The following COL6A6 variants were observed in gnomAD, a reference collection of about 807,000 sequenced individuals.
COL6A6 encodes collagen type VI alpha 6 chain.
Under a neutral mutation model 208.6 loss-of-function variants are expected in COL6A6, and 183 were observed. The ratio of observed to expected loss-of-function variants is 0.88; its 90% CI spans 0.78 to 0.99. The LOEUF (loss-of-function observed/expected upper bound fraction) is 0.99. Ranked by LOEUF, COL6A6 falls within the 50% of genes least tolerant of loss-of-function variation. The pLI is 0.00. For missense variants in COL6A6, 2,816 were observed against 2,815.2 expected (o/e 1.00, Z -0.01); for synonymous variants, 973 against 1,011.8 (o/e 0.96, Z 0.73).
chr3:130,577,192 T>A (rs1260262074), intron 8 of COL6A6, among the ~76,000 whole-genome samples: 1 of 152,174 alleles, frequency 6.6e-6, no homozygotes, highest in Non-Finnish European at 1.5e-5. Context: ...GGTTGGTGTT[T>A]TTGTTTTCAT....
In COL6A6 at chr3:130,563,187, G is replaced by A. The variant is rs771176353; in HGVS notation, c.184G>A (p.Asp62Asn). The change falls in exon 3 of 37, where the codon GAC (aspartate) becomes AAC (asparagine). Residue 62 changes from aspartate to asparagine, a missense_variant. Physicochemically the swap from Asp to Asn is conservative, Grantham distance 23. Transcript: ENST00000358511. ...KMISSLPIEA[D>N]KYRVALAQYS... ...GATCAGCAGTCTCCCCATAGAGGCCGACAAATACCGTGTGGCCCTGGCCCA... is the reference window on the plus strand; with the variant it reads ...GATCAGCAGTCTCCCCATAGAGGCCAACAAATACCGTGTGGCCCTGGCCCA... The A allele has an allele frequency of 2.4e-5, 38 of 1,613,850 alleles. No homozygotes were observed. The highest frequency in any genetic ancestry group is 8.9e-5 in the East Asian group (4 of 44,892).
In COL6A6 at chr3:130,621,436, A is replaced by G. The variant is rs554992636; in HGVS notation, c.4816-385A>G. On this transcript the variant is annotated intron_variant, in intron 23 of 36. Transcript: ENST00000358511. Reference sequence around the variant, plus strand: ...TAAAGATCATTTTGTCTTCCAAAAAATGTTTTCTACCAAAGCCAGTCCTTT... The same window carrying G: ...TAAAGATCATTTTGTCTTCCAAAAAGTGTTTTCTACCAAAGCCAGTCCTTT... Among the ~76,000 whole-genome samples, 4 of 152,356 alleles carry G rather than the reference A, an allele frequency of 2.6e-5. No homozygotes were observed. In the East Asian group the frequency reaches 5.8e-4, roughly 22 times the overall value.
Position 130,673,086 on chromosome 3 carries a change from G to T in COL6A6, c.6597-2116G>T, listed in dbSNP as rs2066262158. Among the ~76,000 whole-genome samples the T allele has an allele frequency of 4.9e-5, 7 of 143,272 alleles. No individual in the cohort carries two copies. The South Asian group carries it at 1.6e-3, about 32-fold the overall frequency. The allele number at this position is 143,272 out of a possible 152,430, so 94.0% of individuals were successfully genotyped here. A position where few individuals can be genotyped will look rare whatever the true frequency, so the allele number is the denominator to read the frequency against. On this transcript the variant is annotated intron_variant, in intron 36 of 36. Transcript: ENST00000358511. ...CCCAGCTACTCACGAGGCTGAGGTA[G>T]AAGAATTGCTTGAACCCGGGAGGCA...
intron 6 of COL6A6, 56 bp downstream of exon 6, chr3:130,568,660 G>A: frequency 1.4e-6 from 2 of 1,413,552 alleles, no homozygotes; most frequent in South Asian, 1.4e-5. Flanking sequence ...GTCTTTTTTA[G>A]CCTCTATTTC....
At chr3:130,650,667 TAAGAC>T (rs1261889310) in intron 33 of COL6A6, among the ~76,000 whole-genome samples, 2 of 150,540 alleles carry the variant, frequency 1.3e-5, no homozygotes, top group African/African-American at 4.9e-5. Context: ...TTAGAGAAAA[TAAGAC>T]AAGAAACAAT....
In COL6A6 at chr3:130,675,218, C is replaced by T. The variant is rs548615906; in HGVS notation, c.6613C>T (p.Leu2205Phe). Residue 2205 changes from leucine (L) to phenylalanine (F), a missense_variant, in exon 37 of 37, where the codon CTT becomes TTT. Physicochemically the swap from Leu to Phe is conservative, Grantham distance 22. Coordinates refer to ENST00000358511, the MANE Select transcript of COL6A6 (RefSeq NM_001102608.3). ...GTTGTATAGCTTTGTTCCTGGACCA[C>T]TTAAAGCTACCCTCAAAGAAGATGT... ...RPFRSFVPGP[L>F]KATLKEDVLQ... 2.1e-5 allele frequency: 33 copies of T among 1,578,626 alleles called. No individual in the cohort carries two copies. The Admixed American group carries it at 4.9e-4, about 24-fold the overall frequency.
chr3:130,653,457 A>G (rs2065702294), intron 33 of COL6A6, among the ~76,000 whole-genome samples: 1 of 152,218 alleles, frequency 6.6e-6, no homozygotes, highest in Admixed American at 6.5e-5. Context: ...GAAGAGAATT[A>G]TTCATAATAT....
intron 31 of COL6A6, among the ~76,000 whole-genome samples, chr3:130,643,760 G>C (rs1482975080): frequency 6.6e-6 from 1 of 152,182 alleles, no homozygotes; most frequent in Non-Finnish European, 1.5e-5. Context: ...TGACAGAAAA[G>C]AGGAGCCAAA....
intron 23 of COL6A6, among the ~76,000 whole-genome samples, chr3:130,617,726 T>G (rs2064575280): frequency 1.3e-5 from 2 of 152,190 alleles, no homozygotes; most frequent in Non-Finnish European, 2.9e-5. Context: ...CACCTTGATA[T>G]TTGTTCATTG....
rs1415505497 is a variant in COL6A6, at chr3:130,565,256, T to C, written c.924T>C (p.Thr308=). 3.7e-6 allele frequency: 6 copies of C among 1,613,934 alleles called. No homozygotes were observed. In the Admixed American group the frequency reaches 8.3e-5, roughly 22 times the overall value. The change falls in exon 4 of 37, where the codon ACT becomes ACC. Residue 308 remains threonine, a synonymous_variant. Transcript: ENST00000358511. ...NLSPRTGKAY[T]GAAIKKLRKE... is the part of the protein sequence containing the mutation. ...CTCCCCGAACTGGGAAGGCCTATAC[T>C]GGAGCTGCCATCAAAAAGCTCAGGA...
intron 26 of COL6A6, among the ~76,000 whole-genome samples, chr3:130,628,008 A>G (rs1486433567): frequency 1.3e-5 from 2 of 152,344 alleles, no homozygotes; most frequent in East Asian, 3.9e-4. Context: ...GTAACAGTGA[A>G]TTGCTGAGAC....
intron 22 of COL6A6, among the ~76,000 whole-genome samples, chr3:130,609,641 G>C (rs939939089): frequency 2.0e-5 from 3 of 151,996 alleles, no homozygotes; most frequent in Non-Finnish European, 2.9e-5. Context: ...AAAAAAGTTA[G>C]AACTTTTTTT....
At chr3:130,533,923 C>T (rs139946465) in intron 1 of COL6A6, among the ~76,000 whole-genome samples, 16 of 152,274 alleles carry the variant, frequency 1.1e-4, no homozygotes, top group African/African-American at 3.6e-4. Context: ...AACAATATTC[C>T]CACGTATGTG....
rs1457563022 is a variant in COL6A6 at position 130,634,247 on chromosome 3, A to T, written c.4993-343A>T. 8.9e-3 allele frequency among the ~76,000 whole-genome samples: 500 copies of T among 55,952 alleles called. 2 individuals carry two copies. Among genetic ancestry groups the T allele is most frequent in the Non-Finnish European group, 0.011 (421 of 38,090 alleles). 36.7% of individuals were successfully genotyped at this position (55,952 alleles called of 152,430 possible). ...TAAATAAATAAATAAATAAATAAAAAAAAAAAAAAAAAAAAAAAAGATCGT... is the reference window on the plus strand; with the variant it reads ...TAAATAAATAAATAAATAAATAAAATAAAAAAAAAAAAAAAAAAAGATCGT... On this transcript the variant is annotated intron_variant, in intron 26 of 36. Transcript: ENST00000358511.
Position 130,586,659 on chromosome 3 carries a change from T to C in COL6A6, c.4124T>C (p.Leu1375Pro). The change falls in exon 11 of 37, where the codon CTG becomes CCG. Residue 1375 changes from leucine (L) to proline (P), a missense_variant and splice_region_variant. By Grantham distance (98) the Leu-to-Pro change is moderately conservative. Transcript: ENST00000358511. ...RELGSRLSKQ[L>P]VNVAERTCCC... ...CTTGGAAGCCGGCTGTCAAAGCAGCTGGTAAGTTATTCTGAAAAGGCTGGT... is the reference window on the plus strand; with the variant it reads ...CTTGGAAGCCGGCTGTCAAAGCAGCCGGTAAGTTATTCTGAAAAGGCTGGT... 6.2e-7 allele frequency: 1 copy of C among 1,611,360 alleles called. No individual in the cohort carries two copies. Among genetic ancestry groups the C allele is most frequent in the Non-Finnish European group, 8.5e-7 (1 of 1,179,070 alleles).
At chr3:130,627,513 T>C in intron 26 of COL6A6, 144 bp downstream of exon 26, 2 of 697,324 alleles carry the variant, frequency 2.9e-6, no homozygotes. Context: ...TATTTGCTGC[T>C]ATCCCATGAG....
At chr3:130,519,373 A>T (rs1340413124) in intron 1 of COL6A6, among the ~76,000 whole-genome samples, 1 of 152,204 alleles carries the variant, frequency 6.6e-6, no homozygotes, top group Non-Finnish European at 1.5e-5. Context: ...CCCCCTGCAA[A>T]TATATAAAAG....
At chr3:130,551,131 C>CTG (rs2062632941) in intron 1 of COL6A6, among the ~76,000 whole-genome samples, 1 of 21,866 alleles carries the variant, frequency 4.6e-5, no homozygotes, top group Admixed American at 1.2e-3. Context: ...TTTTTTTTTT[C>CTG]TGTGTGTGTG....
chr3:130,610,170 T>C (rs1560063189), intron 22 of COL6A6, among the ~76,000 whole-genome samples: 1 of 152,088 alleles, frequency 6.6e-6, no homozygotes, highest in Non-Finnish European at 1.5e-5. Flanking sequence ...CTGCATAACA[T>C]ATGAAAGCCA....
Sources: gnomAD v4.1 joint callset for allele counts (sites outside exome capture counted in the v4.1 genomes callset) on GRCh38, gnomAD v4.1.1 for gene constraint, MANE v1.5 for transcripts, NCBI Gene and HGNC (gene_info 2026-07-23, HGNC 2026-07-21) for gene names.